GRID2: variants seen among roughly 807,000 people sequenced by gnomAD.
GRID2 encodes the protein glutamate ionotropic receptor delta type subunit 2.
A neutral mutation model predicts 114.8 loss-of-function variants in GRID2; 33 were observed. That is an observed-to-expected ratio of 0.29 (90% CI 0.22 to 0.38). The LOEUF is 0.38. Ranked by LOEUF, GRID2 falls within the 10% of genes least tolerant of loss-of-function variation. The probability of loss-of-function intolerance (pLI) is 1.00; values close to 1 mark genes in which losing one functional copy is unlikely to be tolerated. For synonymous variants in GRID2, 505 were observed against 449.9 expected, an observed-to-expected ratio of 1.12 and a Z score of -1.55; for missense variants, 1,184 against 1,257.7, an observed-to-expected ratio of 0.94 and a Z score of 0.89.
intron 2 of GRID2, among the ~76,000 whole-genome samples, chr4:92,645,952 A>C (rs565697992): frequency 6.6e-6 from 1 of 151,784 alleles, no homozygotes; most frequent in Non-Finnish European, 1.5e-5. Flanking sequence ...TGAAAAACGC[A>C]TTCACTTTTC....
chr4:92,304,601 GA>G lies in GRID2; in HGVS notation c.-44del, dbSNP rs879537573. On this transcript the variant is annotated 5_prime_UTR_variant, in exon 1 of 16. Coordinates refer to ENST00000282020, the MANE Select transcript of GRID2 (RefSeq NM_001510.4). ...TGACCTCAAACTCTTTGGACTGTTT[GA>G]AAAAAAAAAAATTGGAAGAAAATCC... is the stretch of plus-strand genomic sequence containing the variant. 21,861 of 989,206 alleles carry G rather than the reference GA, an allele frequency of 0.022. 43 individuals are homozygous for G. The highest frequency in any genetic ancestry group is 0.044 in the African/African-American group (2,645 of 59,862). 61.3% of individuals were successfully genotyped at this position (989,206 alleles called of 1,614,324 possible).
intron 12 of GRID2, among the ~76,000 whole-genome samples, chr4:93,494,719 C>T (rs1215664166): frequency 6.6e-6 from 1 of 151,656 alleles, no homozygotes; most frequent in African/African-American, 2.4e-5. Flanking sequence ...ATGCCATTTC[C>T]ACAAGACTCT....
At chr4:92,541,200 G>A (rs920979951) in intron 1 of GRID2, among the ~76,000 whole-genome samples, 1 of 151,852 alleles carries the variant, frequency 6.6e-6, no homozygotes, top group Admixed American at 6.6e-5. Context: ...GTTAAATGAC[G>A]AGTTACTGGG....
chr4:92,643,567 A>G (rs566776244), intron 2 of GRID2, among the ~76,000 whole-genome samples: 8 of 151,888 alleles, frequency 5.3e-5, no homozygotes, highest in Admixed American at 2.0e-4. Context: ...CAAATCAAGA[A>G]CGCAATCTCA....
At chr4:93,104,519 C>A (rs1171636908) in intron 3 of GRID2, among the ~76,000 whole-genome samples, 2 of 151,516 alleles carry the variant, frequency 1.3e-5, no homozygotes, top group Non-Finnish European at 2.9e-5. Context: ...CATGTGTTCT[C>A]ATTGTTCAAT....
At chr4:93,734,890 A>G (rs1432981276) in intron 14 of GRID2, among the ~76,000 whole-genome samples, 1 of 152,104 alleles carries the variant, frequency 6.6e-6, no homozygotes, top group Non-Finnish European at 1.5e-5. Context: ...AGCTTTTAAT[A>G]AAATATTTCA....
At chr4:92,398,685 C>A (rs906903360) in intron 1 of GRID2, among the ~76,000 whole-genome samples, 1 of 152,034 alleles carries the variant, frequency 6.6e-6, no homozygotes, top group African/African-American at 2.4e-5. Context: ...TCTTAAGGAA[C>A]TAAGAGTAGT....
At chr4:92,519,076 A>G (rs1314341112) in intron 1 of GRID2, among the ~76,000 whole-genome samples, 1 of 151,892 alleles carries the variant, frequency 6.6e-6, no homozygotes, top group African/African-American at 2.4e-5. Flanking sequence ...TGGGGTGAGG[A>G]ATAAGGGAAA....
chr4:93,442,750 A>G (rs918668365), intron 10 of GRID2, among the ~76,000 whole-genome samples: 2 of 151,976 alleles, frequency 1.3e-5, no homozygotes, highest in African/African-American at 4.8e-5. Context: ...CACTTCCCCA[A>G]TTGTTTCTTT....
At chr4:93,358,670 G>T (rs2149271299) in intron 8 of GRID2, among the ~76,000 whole-genome samples, 1 of 151,978 alleles carries the variant, frequency 6.6e-6, no homozygotes, top group East Asian at 1.9e-4. Context: ...TTTAAGAAAA[G>T]ATTGGATTAC....
intron 13 of GRID2, among the ~76,000 whole-genome samples, chr4:93,555,336 CCCAGCAAGCTGAGATCCA>C (rs1429017276): frequency 4.6e-5 from 7 of 152,176 alleles, no homozygotes; most frequent in African/African-American, 1.7e-4. Flanking sequence ...TCCCATGGAG[CCCAGCAAGCTGAGATCCA>C]CTGGCTTGAA....
At chr4:92,742,836 A>C (rs1285261487) in intron 2 of GRID2, among the ~76,000 whole-genome samples, 1 of 152,202 alleles carries the variant, frequency 6.6e-6, no homozygotes. Context: ...ATAAAATAAA[A>C]AGAAGAAAAT....
chr4:92,438,913 C>T (rs1000764535), intron 1 of GRID2, among the ~76,000 whole-genome samples: 7 of 152,120 alleles, frequency 4.6e-5, no homozygotes, highest in Non-Finnish European at 1.5e-5. Flanking sequence ...GAGATAGTTA[C>T]AGTATATCCT....
At chr4:93,180,507 T>G (rs72889650) in intron 4 of GRID2, among the ~76,000 whole-genome samples, 134 of 152,250 alleles carry the variant, frequency 8.8e-4, no homozygotes, top group African/African-American at 3.1e-3. Flanking sequence ...CAGTGAAGTT[T>G]GTCATACCAA....
intron 13 of GRID2, among the ~76,000 whole-genome samples, chr4:93,596,310 T>TAAAATAAA (rs1235112779): frequency 2.6e-5 from 4 of 152,162 alleles, no homozygotes; most frequent in African/African-American, 9.7e-5. Flanking sequence ...CTGGGTGCGG[T>TAAAATAAA]GGCTCACGCC....
intron 11 of GRID2, among the ~76,000 whole-genome samples, chr4:93,476,018 G>T (rs1725289424): frequency 6.6e-6 from 1 of 151,888 alleles, no homozygotes; most frequent in Non-Finnish European, 1.5e-5. Flanking sequence ...TCATTGCCAG[G>T]TCTGTGGTAA....
chr4:92,449,705 AT>A (rs1418981105), intron 1 of GRID2, among the ~76,000 whole-genome samples: 24 of 141,660 alleles, frequency 1.7e-4, no homozygotes, highest in African/African-American at 5.7e-4. Flanking sequence ...ATATATATAT[AT>A]ATATAACACT....
At chr4:92,347,329 G>C (rs963070360) in intron 1 of GRID2, among the ~76,000 whole-genome samples, 3 of 152,210 alleles carry the variant, frequency 2.0e-5, no homozygotes, top group Non-Finnish European at 4.4e-5. Context: ...TGCAATATGT[G>C]TGTGTGTAGA....
chr4:93,490,727 G>A lies in GRID2; in HGVS notation c.1947G>A (p.Thr649=), dbSNP rs565137966. The A allele has an allele frequency of 7.5e-6, 12 of 1,610,574 alleles. No homozygotes were observed. The highest frequency in any genetic ancestry group is 1.3e-5 in the African/African-American group (1 of 74,806). ...CTTTGATTGTTATCTCATCTTACAC[G>A]GCAAACCTCGCTGCTTTCCTCACTA... ...LFALIVISSY[T]ANLAAFLTIT... The change falls in exon 12 of 16, where the codon ACG becomes ACA. Residue 649 remains threonine (T), a synonymous_variant. Transcript: ENST00000282020.
Sources: allele counts gnomAD v4.1 joint callset (sites outside exome capture counted in the v4.1 genomes callset), GRCh38; gene constraint gnomAD v4.1.1; transcripts MANE v1.5; gene names NCBI Gene and HGNC (gene_info 2026-07-23, HGNC 2026-07-21).